FHIT: variants seen among roughly 807,000 people sequenced by gnomAD.
The protein encoded by FHIT is bis(5'-adenosyl)-triphosphatase.
A neutral mutation model predicts 17.9 loss-of-function variants in FHIT; 19 were observed. The ratio of observed to expected loss-of-function variants is 1.06; its 90% CI spans 0.74 to 1.56. FHIT has a LOEUF of 1.56. FHIT is among the 40% of genes most tolerant of loss of function. FHIT has a pLI of 0.00. For missense variants in FHIT, 248 were observed against 189.2 expected (o/e 1.31, Z -1.82); for synonymous variants, 81 against 69.7 (o/e 1.16, Z -0.81).
chr3:60,995,837 A>G (rs1007907632), intron 3 of FHIT, among the ~76,000 whole-genome samples: 8 of 152,152 alleles, frequency 5.3e-5, no homozygotes, highest in African/African-American at 1.4e-4. Flanking sequence ...ATATCACACT[A>G]AAAAAATAAA....
intron 3 of FHIT, among the ~76,000 whole-genome samples, chr3:61,035,786 A>C (rs559739650): frequency 1.3e-3 from 194 of 152,276 alleles, no homozygotes; most frequent in African/African-American, 4.6e-3. Flanking sequence ...CATTTTTTCC[A>C]GTAAAAAGTA....
chr3:61,046,497 C>T (rs1415532247), intron 2 of FHIT, among the ~76,000 whole-genome samples: 1 of 152,054 alleles, frequency 6.6e-6, no homozygotes, highest in Non-Finnish European at 1.5e-5. Flanking sequence ...GGCAATAATT[C>T]ATAGCCTAGC....
At chr3:60,735,581 G>T (rs879953564) in intron 4 of FHIT, among the ~76,000 whole-genome samples, 1 of 152,210 alleles carries the variant, frequency 6.6e-6, no homozygotes, top group African/African-American at 2.4e-5. Flanking sequence ...GCGTCTAGCG[G>T]CCATCTAACC....
At chr3:60,068,292 T>G (rs1213976587) in intron 5 of FHIT, among the ~76,000 whole-genome samples, 1 of 152,194 alleles carries the variant, frequency 6.6e-6, no homozygotes, top group Non-Finnish European at 1.5e-5. Flanking sequence ...CCAATGTCTA[T>G]TTCCAAGCTG....
chr3:59,829,869 C>T (rs1382094809), intron 8 of FHIT, among the ~76,000 whole-genome samples: 1 of 151,986 alleles, frequency 6.6e-6, no homozygotes, highest in Non-Finnish European at 1.5e-5. Context: ...AGCCACCAGT[C>T]CCTTAAAAGA....
chr3:60,433,031 T>C (rs1238813732), intron 5 of FHIT, among the ~76,000 whole-genome samples: 1 of 152,024 alleles, frequency 6.6e-6, no homozygotes, highest in Non-Finnish European at 1.5e-5. Context: ...CTAGAACTAA[T>C]AGTTCATCTT....
rs1575610000 is a variant in FHIT at position 60,861,123 on chromosome 3, G to C, written c.-110-39112C>G. Among the ~76,000 whole-genome samples, 3 of 61,008 alleles carry C rather than the reference G, an allele frequency of 4.9e-5. No homozygotes were observed. In the South Asian group the frequency reaches 1.3e-3, roughly 27 times the overall value. The allele number at this position is 61,008 out of a possible 152,430, so 40.0% of individuals were successfully genotyped here. A position where few individuals can be genotyped will look rare whatever the true frequency, so the allele number is the denominator to read the frequency against. ...ATATATACACATATATCCTATATGT[G>C]TATATATGATATATGTATATATGAT... On this transcript the variant is annotated intron_variant, in intron 3 of 9. Coordinates refer to ENST00000492590, the MANE Select transcript of FHIT (RefSeq NM_002012.4).
At chr3:60,045,968 C>G (rs1366421077) in intron 5 of FHIT, among the ~76,000 whole-genome samples, 3 of 152,184 alleles carry the variant, frequency 2.0e-5, no homozygotes, top group Admixed American at 2.0e-4. Context: ...TTTCTACAGC[C>G]AACTCTAATT....
chr3:60,859,173 C>T lies in FHIT; in HGVS notation c.-110-37162G>A, dbSNP rs565388033. On this transcript the variant is annotated intron_variant, in intron 3 of 9. Coordinates refer to ENST00000492590, the MANE Select transcript of FHIT (RefSeq NM_002012.4). ...TCAATTCCTATCCCAATAGGAGTAT[C>T]GAATAGTGGTTAAGCACATGTTTTT... 3.3e-5 allele frequency among the ~76,000 whole-genome samples: 5 copies of T among 152,200 alleles called. No individual in the cohort carries two copies. In the East Asian group the frequency reaches 7.7e-4, roughly 24 times the overall value.
At chr3:60,460,523 T>C (rs2032394396) in intron 5 of FHIT, among the ~76,000 whole-genome samples, 1 of 152,176 alleles carries the variant, frequency 6.6e-6, no homozygotes, top group Non-Finnish European at 1.5e-5. Flanking sequence ...ACTAAACGAA[T>C]TTTTTAGTTT....
intron 8 of FHIT, among the ~76,000 whole-genome samples, chr3:59,827,252 T>C (rs1225849773): frequency 6.6e-6 from 1 of 152,202 alleles, no homozygotes; most frequent in Non-Finnish European, 1.5e-5. Flanking sequence ...CTGATTTCTT[T>C]TCACTGGACT....
At chr3:61,012,740 A>C (rs1165261889) in intron 3 of FHIT, among the ~76,000 whole-genome samples, 1 of 151,540 alleles carries the variant, frequency 6.6e-6, no homozygotes, top group Non-Finnish European at 1.5e-5. Flanking sequence ...TGTTTTGATC[A>C]ATCTTGTGCT....
intron 4 of FHIT, among the ~76,000 whole-genome samples, chr3:60,620,215 T>C (rs1232646889): frequency 2.0e-5 from 3 of 152,110 alleles, no homozygotes; most frequent in African/African-American, 7.2e-5. Flanking sequence ...TGCAAAATGA[T>C]ATAGCAACCT....
chr3:60,015,040 T>C (rs1488530390), intron 5 of FHIT, among the ~76,000 whole-genome samples: 8 of 151,236 alleles, frequency 5.3e-5, no homozygotes, highest in African/African-American at 1.7e-4. Context: ...ACTATATATA[T>C]AAATATTTGT....
chr3:61,161,098 AT>A (rs2037677120), intron 2 of FHIT, among the ~76,000 whole-genome samples: 1 of 145,122 alleles, frequency 6.9e-6, no homozygotes, highest in African/African-American at 2.6e-5. Context: ...GGGATTTTTT[AT>A]TTTTTAACTT....
intron 4 of FHIT, among the ~76,000 whole-genome samples, chr3:60,744,367 C>G (rs1223542946): frequency 6.6e-6 from 1 of 151,234 alleles, no homozygotes; most frequent in Non-Finnish European, 1.5e-5. Flanking sequence ...TTTCCTTAGG[C>G]AGATAGCATG....
chr3:60,453,196 A>ATT lies in FHIT; in HGVS notation c.103+83662_103+83663dup, dbSNP rs10718750. On this transcript the variant is annotated intron_variant, in intron 5 of 9. Transcript: ENST00000492590. ...GTTTAATTATTTTATGCCTGAGCAG[A>ATT]TTTTTTTTTTTTTTAACTCAAGTGC... Among the ~76,000 whole-genome samples, 280 of 149,170 alleles carry ATT rather than the reference A, an allele frequency of 1.9e-3. 3 individuals carry two copies. The highest frequency in any genetic ancestry group is 3.9e-3 in the African/African-American group (159 of 40,928).
At chr3:60,520,776 G>A (rs1186010736) in intron 5 of FHIT, among the ~76,000 whole-genome samples, 2 of 152,102 alleles carry the variant, frequency 1.3e-5, no homozygotes, top group Non-Finnish European at 2.9e-5. Context: ...TGAGAGTTGA[G>A]CATCTAGACT....
At chr3:61,047,196 T>G (rs921891290) in intron 2 of FHIT, among the ~76,000 whole-genome samples, 1 of 152,198 alleles carries the variant, frequency 6.6e-6, no homozygotes, top group Non-Finnish European at 1.5e-5. Flanking sequence ...CAATTGTTGC[T>G]GTTGGCAGAT....
Sources: gnomAD v4.1 joint callset for allele counts (sites outside exome capture counted in the v4.1 genomes callset) on GRCh38, gnomAD v4.1.1 for gene constraint, MANE v1.5 for transcripts, NCBI Gene and HGNC (gene_info 2026-07-23, HGNC 2026-07-21) for gene names.